The following DLG2 variants were observed in gnomAD, a reference collection of about 807,000 sequenced individuals.
DLG2 encodes discs large MAGUK scaffold protein 2.
Under a neutral mutation model 132.5 loss-of-function variants are expected in DLG2, and 45 were observed. The observed-to-expected ratio is 0.34, with a 90% confidence interval of 0.27 to 0.44. DLG2 has a LOEUF of 0.44. Ranked by LOEUF, DLG2 falls within the 20% of genes least tolerant of loss-of-function variation. The probability of loss-of-function intolerance (pLI) is 1.00; values close to 1 mark genes in which losing one functional copy is unlikely to be tolerated. For synonymous variants in DLG2, 424 were observed against 419.6 expected (o/e 1.01, Z -0.13); for missense variants, 1,045 against 1,196.9 (o/e 0.87, Z 1.87).
At chr11:83,582,113 C>T (rs1355350242) in intron 19 of DLG2, among the ~76,000 whole-genome samples, 1 of 151,988 alleles carries the variant, frequency 6.6e-6, no homozygotes, top group African/African-American at 2.4e-5. Flanking sequence ...AGCGCCATCA[C>T]ACCCGGCTAA....
chr11:84,850,335 C>G (rs1015502827), intron 6 of DLG2, among the ~76,000 whole-genome samples: 1 of 151,912 alleles, frequency 6.6e-6, no homozygotes, highest in Non-Finnish European at 1.5e-5. Flanking sequence ...GTCTGAATTG[C>G]TAAATGACTA....
intron 6 of DLG2, among the ~76,000 whole-genome samples, chr11:84,582,070 C>G (rs184097676): frequency 1.7e-3 from 264 of 152,048 alleles, no homozygotes; most frequent in Middle Eastern, 3.4e-3. Context: ...GATTTAAACT[C>G]AGGCCTGTCA....
At chr11:84,107,482 C>T (rs1241064443) in intron 9 of DLG2, among the ~76,000 whole-genome samples, 1 of 67,422 alleles carries the variant, frequency 1.5e-5, no homozygotes, top group Non-Finnish European at 3.7e-5. Flanking sequence ...ATTTTGAGCA[C>T]TCCATCTTTA....
At chr11:84,355,514 C>T (rs553233180) in intron 7 of DLG2, among the ~76,000 whole-genome samples, 7 of 152,180 alleles carry the variant, frequency 4.6e-5, no homozygotes, top group Non-Finnish European at 5.9e-5. Flanking sequence ...CTTCACCTGA[C>T]GCCAAATCAG....
At chr11:83,954,291 A>G (rs141007292) in intron 14 of DLG2, among the ~76,000 whole-genome samples, 196 of 152,280 alleles carry the variant, frequency 1.3e-3, no homozygotes, top group Admixed American at 3.6e-3. Context: ...TCTGCTTCCT[A>G]CTTCTAGTAG....
At chr11:83,474,648 C>T (rs2092433699) in intron 22 of DLG2, among the ~76,000 whole-genome samples, 1 of 152,010 alleles carries the variant, frequency 6.6e-6, no homozygotes, top group Non-Finnish European at 1.5e-5. Flanking sequence ...CTCCAGTGCC[C>T]CATTGAGTGC....
In DLG2 at chr11:85,411,725, G is replaced by A. The variant is rs141461992; in HGVS notation, c.41-126360C>T. 3.8e-3 allele frequency among the ~76,000 whole-genome samples: 572 copies of A among 151,866 alleles called. 7 individuals are homozygous for A. The highest frequency in any genetic ancestry group is 0.012 in the African/African-American group (496 of 41,490). On this transcript the variant is annotated intron_variant, in intron 3 of 27. Coordinates refer to ENST00000376104, the MANE Select transcript of DLG2 (RefSeq NM_001142699.3). ...TATTTGATTGATGGGAGTGATAAGC[G>A]GTGTTGAGGAAAATAGTGATTTTAG...
At chr11:83,964,540 A>G (rs938287937) in intron 13 of DLG2, among the ~76,000 whole-genome samples, 1 of 151,956 alleles carries the variant, frequency 6.6e-6, no homozygotes, top group Non-Finnish European at 1.5e-5. Flanking sequence ...TCACAAATGG[A>G]CTCTCAACAT....
At chr11:83,823,717 T>C (rs1464455780) in intron 17 of DLG2, among the ~76,000 whole-genome samples, 1 of 152,162 alleles carries the variant, frequency 6.6e-6, no homozygotes, top group Non-Finnish European at 1.5e-5. Flanking sequence ...TCTAAGTTAA[T>C]CAACAAGGGA....
At chr11:84,550,149 C>T (rs950415340) in intron 6 of DLG2, among the ~76,000 whole-genome samples, 7 of 149,208 alleles carry the variant, frequency 4.7e-5, no homozygotes, top group African/African-American at 1.2e-4. Context: ...CACACACACA[C>T]ATACACACAC....
intron 26 of DLG2, among the ~76,000 whole-genome samples, chr11:83,466,429 C>T (rs898222353): frequency 7.9e-5 from 12 of 151,734 alleles, no homozygotes; most frequent in South Asian, 2.1e-4. Context: ...GAAAACAATC[C>T]GTGAAGTAAA....
At chr11:85,156,605 G>A (rs1413298595) in intron 4 of DLG2, among the ~76,000 whole-genome samples, 1 of 152,158 alleles carries the variant, frequency 6.6e-6, no homozygotes, top group African/African-American at 2.4e-5. Context: ...CAATCTGACT[G>A]TATCTCTCAT....
chr11:83,867,119 C>T (rs1254402745), intron 16 of DLG2, among the ~76,000 whole-genome samples: 5 of 152,144 alleles, frequency 3.3e-5, no homozygotes, highest in African/African-American at 4.8e-5. Context: ...TTGAGCTCTA[C>T]TTTGTATTTT....
intron 16 of DLG2, among the ~76,000 whole-genome samples, chr11:83,836,163 T>G (rs1450619016): frequency 7.2e-5 from 11 of 152,304 alleles, no homozygotes; most frequent in African/African-American, 2.4e-4. Context: ...CTCTCAATGC[T>G]TTTTTATTCT....
rs191590253 is a variant in DLG2, at chr11:84,869,835, A to G, written c.357+241826T>C. Among the ~76,000 whole-genome samples, 8 of 152,348 alleles carry G rather than the reference A, an allele frequency of 5.3e-5. 1 individual carries two copies. The highest frequency in any genetic ancestry group is 1.9e-4 in the African/African-American group (8 of 41,580). The stretch of plus-strand genomic sequence containing the variant: ...AATAAACCTAAATAACCAACAACTA[A>G]CTTATGCAATTTGTGAATTTAAATT... On this transcript the variant is annotated intron_variant, in intron 6 of 27. Coordinates refer to ENST00000376104, the MANE Select transcript of DLG2 (RefSeq NM_001142699.3).
intron 7 of DLG2, among the ~76,000 whole-genome samples, chr11:84,260,895 T>C (rs771973465): frequency 1.1e-4 from 16 of 152,258 alleles, no homozygotes; most frequent in Admixed American, 2.0e-4. Flanking sequence ...TTTCTGAAGA[T>C]CCCACAAAAA....
intron 8 of DLG2, among the ~76,000 whole-genome samples, chr11:84,189,914 C>T (rs554912381): frequency 6.6e-6 from 1 of 151,974 alleles, no homozygotes; most frequent in Admixed American, 6.6e-5. Context: ...GTGCAACAAA[C>T]CACCATGGCA....
intron 7 of DLG2, among the ~76,000 whole-genome samples, chr11:84,314,726 T>C (rs985291328): frequency 6.6e-6 from 1 of 151,892 alleles, no homozygotes; most frequent in African/African-American, 2.4e-5. Context: ...ATATATATAC[T>C]TAAATATACA....
At chr11:84,665,853 C>G (rs1374822198) in intron 6 of DLG2, among the ~76,000 whole-genome samples, 3 of 152,026 alleles carry the variant, frequency 2.0e-5, no homozygotes, top group Non-Finnish European at 4.4e-5. Flanking sequence ...TTCTAGTGAC[C>G]CATTCAATTT....
Sources: allele counts gnomAD v4.1 joint callset (sites outside exome capture counted in the v4.1 genomes callset), GRCh38; gene constraint gnomAD v4.1.1; transcripts MANE v1.5; gene names NCBI Gene and HGNC (gene_info 2026-07-23, HGNC 2026-07-21).